Variants in RASEF observed in about 807,000 individuals in gnomAD.
RASEF encodes the protein RAS and EF-hand domain containing.
Under a neutral mutation model 90.1 loss-of-function variants are expected in RASEF, and 68 were observed. The observed-to-expected ratio is 0.75, with a 90% CI of 0.62 to 0.92. The LOEUF is 0.92. Ranked by LOEUF, RASEF falls within the 40% of genes least tolerant of loss-of-function variation. The pLI is 0.00. For missense variants in RASEF, 949 were observed against 937.2 expected (o/e 1.01, Z -0.16); for synonymous variants, 331 against 345.2 (o/e 0.96, Z 0.46).
the RASEF span, among the ~76,000 whole-genome samples, chr9:83,119,519 G>A: frequency 3.0e-4 from 46 of 152,288 alleles, no homozygotes; most frequent in African/African-American, 1.0e-3. Flanking sequence ...TGAAGCAACA[G>A]CTCTGGTCTG....
rs779409903 is a variant in RASEF, at chr9:83,062,562, G to A, written c.306C>T (p.Ser102=). Residue 102 remains serine (S), a synonymous_variant, in exon 1 of 17, where the codon AGC becomes AGT. Transcript: ENST00000376447. ...VSEAGPETHD[S]EEDEGDEDAA... is the part of the protein sequence containing the mutation. Reference sequence around the variant, plus strand: ...CGTCCTCGTCGCCTTCGTCCTCCTCGCTGTCGTGTGTCTCCGGCCCCGCCT... The same window carrying A: ...CGTCCTCGTCGCCTTCGTCCTCCTCACTGTCGTGTGTCTCCGGCCCCGCCT... 9 of 1,595,746 alleles carry A rather than the reference G, an allele frequency of 5.6e-6. No individual in the cohort carries two copies. In the South Asian group the frequency reaches 6.7e-5, roughly 12 times the overall value.
At chr9:83,215,148 A>G in the RASEF span, among the ~76,000 whole-genome samples, 6 of 151,844 alleles carry the variant, frequency 4.0e-5, no homozygotes, top group Admixed American at 1.3e-4. Flanking sequence ...GCCCAACTCC[A>G]GGGGAAGATC....
intron 1 of RASEF, among the ~76,000 whole-genome samples, chr9:83,045,954 T>C (rs903080223): frequency 7.9e-5 from 12 of 151,890 alleles, no homozygotes; most frequent in African/African-American, 2.7e-4. Flanking sequence ...CAGATCCTTG[T>C]GCATTTTGTC....
At chr9:83,127,803 C>T in the RASEF span, among the ~76,000 whole-genome samples, 2 of 152,108 alleles carry the variant, frequency 1.3e-5, no homozygotes, top group African/African-American at 4.8e-5. Context: ...ATGCATACCC[C>T]AGAACCTGCA....
At chr9:83,095,923 C>A in the RASEF span, among the ~76,000 whole-genome samples, 12 of 152,108 alleles carry the variant, frequency 7.9e-5, no homozygotes, top group Admixed American at 2.6e-4. Context: ...CCCTGTAGAG[C>A]TCAGGTCCAG....
At chr9:83,217,493 G>T in the RASEF span, among the ~76,000 whole-genome samples, 2 of 152,116 alleles carry the variant, frequency 1.3e-5, no homozygotes, top group African/African-American at 4.8e-5. Context: ...CCAGAGGGAG[G>T]TAATTGAATC....
At chr9:83,114,207 G>A in the RASEF span, among the ~76,000 whole-genome samples, 8,147 of 152,186 alleles carry the variant, frequency 0.054, 271 homozygotes, top group South Asian at 0.099. Flanking sequence ...AATTTCTTAC[G>A]CCTGTCTTTA....
In RASEF at chr9:83,000,217, T is replaced by G; in HGVS notation, c.1675A>C (p.Met559Leu). ...DAAVGKSSFL[M>L]RLCKNEFREN... is the part of the protein sequence containing the mutation. ...CGAAATTCATTCTTGCAAAGTCTCA[T>G]GAGGAAACTAGACTTCCCCACTGCA... Residue 559 changes from methionine (M) to leucine (L), a missense_variant, in exon 12 of 17, where the codon ATG (methionine) becomes CTG (leucine). Met to Leu is a conservative substitution (Grantham distance 15). This residue lies in a region of RASEF where 288 missense variants were observed against 328.4 expected (regional missense o/e 0.88). Coordinates refer to ENST00000376447, the MANE Select transcript of RASEF (RefSeq NM_152573.4). 1.9e-6 allele frequency: 3 copies of G among 1,614,108 alleles called. No homozygotes were observed. The highest frequency in any genetic ancestry group is 2.5e-6 in the Non-Finnish European group (3 of 1,179,986).
chr9:83,023,841 T>A (rs1158866148), intron 2 of RASEF, among the ~76,000 whole-genome samples: 1 of 152,188 alleles, frequency 6.6e-6, no homozygotes, highest in African/African-American at 2.4e-5. Flanking sequence ...ATCCCAAGCA[T>A]CTGGGACTGC....
the RASEF span, among the ~76,000 whole-genome samples, chr9:83,125,277 C>G: frequency 6.6e-6 from 1 of 152,150 alleles, no homozygotes; most frequent in African/African-American, 2.4e-5. Flanking sequence ...AGAGGCAGGA[C>G]TGTCTAGAAG....
At position 83,000,499 on chromosome 9, in the gene RASEF, T is replaced by C. The variant is rs1829012214; in HGVS notation, c.1509A>G (p.Gln503=). 3.1e-6 allele frequency: 5 copies of C among 1,614,062 alleles called. No homozygotes were observed. The East Asian group carries it at 6.7e-5, about 22-fold the overall frequency. ...CAATGCTGCCTTCACTAACAGACCC[T>C]TGGGGCTTCCAGTCTAAGACGGAAG... ...DVASVLDWKP[Q]GSVSEGSIVS... The change falls in exon 11 of 17, where the codon CAA becomes CAG. Residue 503 remains glutamine (Q), a synonymous_variant. Transcript: ENST00000376447.
chr9:83,166,443 T>C, the RASEF span, among the ~76,000 whole-genome samples: 1 of 152,124 alleles, frequency 6.6e-6, no homozygotes, highest in South Asian at 2.1e-4. Flanking sequence ...CAATAGAGAC[T>C]GAAAGTCACA....
At chr9:83,216,564 G>A in the RASEF span, among the ~76,000 whole-genome samples, 1 of 152,174 alleles carries the variant, frequency 6.6e-6, no homozygotes, top group African/African-American at 2.4e-5. Context: ...AGGATGTATG[G>A]AAACACCTGA....
At chr9:83,007,872 G>A (rs1454521439) in intron 6 of RASEF, among the ~76,000 whole-genome samples, 6 of 152,134 alleles carry the variant, frequency 3.9e-5, no homozygotes, top group South Asian at 2.1e-4. Context: ...TTCTAAGGGT[G>A]TCTCAGAAAC....
At chr9:83,189,544 G>A in the RASEF span, among the ~76,000 whole-genome samples, 1 of 152,174 alleles carries the variant, frequency 6.6e-6, no homozygotes, top group African/African-American at 2.4e-5. Flanking sequence ...GGGACATCTA[G>A]CTCTAAACCA....
At chr9:83,140,599 T>C in the RASEF span, among the ~76,000 whole-genome samples, 1 of 152,120 alleles carries the variant, frequency 6.6e-6, no homozygotes, top group African/African-American at 2.4e-5. Flanking sequence ...ATGGGTCCTA[T>C]CAGCTGGCAA....
chr9:83,072,868 T>C, the RASEF span, among the ~76,000 whole-genome samples: 1 of 152,154 alleles, frequency 6.6e-6, no homozygotes, highest in African/African-American at 2.4e-5. Flanking sequence ...ACAGGAACAA[T>C]ACTTTGCATC....
At chr9:83,034,844 G>A (rs1428441359) in intron 1 of RASEF, among the ~76,000 whole-genome samples, 2 of 152,176 alleles carry the variant, frequency 1.3e-5, no homozygotes, top group African/African-American at 4.8e-5. Flanking sequence ...CATAAAGTGG[G>A]TATAACCTAC....
At chr9:83,195,637 C>G in the RASEF span, among the ~76,000 whole-genome samples, 2 of 151,950 alleles carry the variant, frequency 1.3e-5, no homozygotes, top group Non-Finnish European at 2.9e-5. Context: ...GCAGGGAATA[C>G]AGATAATAAA....
Sources: allele counts gnomAD v4.1 joint callset (sites outside exome capture counted in the v4.1 genomes callset), GRCh38; gene constraint gnomAD v4.1.1; regional missense constraint gnomAD v4.1.1; transcripts MANE v1.5; gene names NCBI Gene and HGNC (gene_info 2026-07-23, HGNC 2026-07-21).